Variants in PLXDC2 observed in about 807,000 individuals in gnomAD.
PLXDC2 encodes plexin domain containing 2.
In PLXDC2, 40 loss-of-function variants were observed where a neutral mutation model predicts 68.9. The observed-to-expected ratio is 0.58, with a 90% CI of 0.45 to 0.76. The LOEUF (loss-of-function observed/expected upper bound fraction) is 0.76, where lower values mean the gene tolerates loss of function less well. Among genes scored for constraint, PLXDC2 ranks in the 30% least tolerant of loss-of-function variants. The probability of loss-of-function intolerance (pLI) is 0.00; values close to 1 mark genes in which losing one functional copy is unlikely to be tolerated. For synonymous variants in PLXDC2, 243 were observed against 234.2 expected, an observed-to-expected ratio of 1.04 and a Z score of -0.34; for missense variants, 644 against 661.9, an observed-to-expected ratio of 0.97 and a Z score of 0.30.
intron 1 of PLXDC2, among the ~76,000 whole-genome samples, chr10:19,897,122 CTG>C (rs1301016472): frequency 1.3e-5 from 2 of 152,056 alleles, no homozygotes; most frequent in African/African-American, 4.8e-5. Context: ...CTCTTTTTGT[CTG>C]TGAGTACACG....
intron 1 of PLXDC2, among the ~76,000 whole-genome samples, chr10:19,885,380 G>C (rs1258348174): frequency 1.3e-5 from 2 of 151,892 alleles, no homozygotes; most frequent in Admixed American, 1.3e-4. Flanking sequence ...TGTCAATTTT[G>C]GCTTTTGTTG....
At chr10:19,978,776 C>T (rs716829) in intron 1 of PLXDC2, among the ~76,000 whole-genome samples, 35,507 of 152,056 alleles carry the variant, frequency 0.23, 4,304 homozygotes, top group Middle Eastern at 0.35. Flanking sequence ...TACAATTGGA[C>T]CTGCTATTTG....
At chr10:19,920,707 A>C (rs1833446862) in intron 1 of PLXDC2, among the ~76,000 whole-genome samples, 1 of 152,076 alleles carries the variant, frequency 6.6e-6, no homozygotes, top group South Asian at 2.1e-4. Context: ...ACAGGCATGC[A>C]CCATCACACC....
At chr10:20,073,973 C>T (rs749311477) in intron 4 of PLXDC2, among the ~76,000 whole-genome samples, 4 of 152,010 alleles carry the variant, frequency 2.6e-5, no homozygotes, top group Admixed American at 6.6e-5. Flanking sequence ...GAGATGGGAG[C>T]ATGTGAGATG....
intron 1 of PLXDC2, among the ~76,000 whole-genome samples, chr10:19,964,461 A>G (rs556042688): frequency 6.6e-6 from 1 of 152,264 alleles, no homozygotes; most frequent in East Asian, 1.9e-4. Context: ...ATTTTTCATC[A>G]CTGCAGAAGA....
chr10:20,067,704 A>T (rs1266391111), intron 3 of PLXDC2, among the ~76,000 whole-genome samples: 1 of 151,986 alleles, frequency 6.6e-6, no homozygotes, highest in South Asian at 2.1e-4. Flanking sequence ...AAAAAAAAAA[A>T]TTCTGCAGGT....
rs550618454 is a variant in PLXDC2, at chr10:20,011,228, C to T, written c.324+9242C>T. The stretch of plus-strand genomic sequence containing the variant: ...TGGCCATTGAGTATGGGCTGGAACT[C>T]AGGAGCAGGGAGGTCAGAAGATGCA... On this transcript the variant is annotated intron_variant, in intron 2 of 13. Coordinates refer to ENST00000377252, the MANE Select transcript of PLXDC2 (RefSeq NM_032812.9). Among the ~76,000 whole-genome samples the T allele has an allele frequency of 3.3e-5, 5 of 152,196 alleles. No individual in the cohort carries two copies. The East Asian group carries it at 9.7e-4, about 29-fold the overall frequency.
At chr10:19,948,859 C>T (rs1459119952) in intron 1 of PLXDC2, among the ~76,000 whole-genome samples, 2 of 151,956 alleles carry the variant, frequency 1.3e-5, no homozygotes, top group African/African-American at 4.8e-5. Context: ...AATAGACATA[C>T]ATTGGCCGGG....
At chr10:20,275,533 A>G (rs903896168) in intron 13 of PLXDC2, among the ~76,000 whole-genome samples, 1 of 152,226 alleles carries the variant, frequency 6.6e-6, no homozygotes, top group Admixed American at 6.5e-5. Context: ...CCACAATTAA[A>G]GGAGACCGAC....
chr10:19,936,536 C>T (rs1208335529), intron 1 of PLXDC2, among the ~76,000 whole-genome samples: 2 of 152,300 alleles, frequency 1.3e-5, no homozygotes, highest in Admixed American at 1.3e-4. Context: ...TCATAATTTG[C>T]CAGCCTCTGC....
At chr10:19,957,402 A>G (rs1324999402) in intron 1 of PLXDC2, among the ~76,000 whole-genome samples, 4 of 152,280 alleles carry the variant, frequency 2.6e-5, no homozygotes, top group East Asian at 1.9e-4. Flanking sequence ...CCCTTAAAGT[A>G]TTTTCACACA....
chr10:20,135,710 A>G (rs77650087), intron 4 of PLXDC2, among the ~76,000 whole-genome samples: 5,559 of 152,266 alleles, frequency 0.037, 125 homozygotes, highest in South Asian at 0.068. Context: ...TTATGAACAT[A>G]ATTTGCAGCT....
intron 1 of PLXDC2, among the ~76,000 whole-genome samples, chr10:19,961,439 A>C (rs544861454): frequency 4.6e-5 from 7 of 152,364 alleles, no homozygotes; most frequent in African/African-American, 1.7e-4. Context: ...CAAGTGTCAC[A>C]TTAAAGAAAG....
chr10:20,149,491 G>A (rs889880850), intron 6 of PLXDC2, among the ~76,000 whole-genome samples: 15 of 151,586 alleles, frequency 9.9e-5, no homozygotes, highest in Admixed American at 2.6e-4. Flanking sequence ...CTCCTGCCTC[G>A]GCCTCCCAAA....
In PLXDC2 at chr10:19,953,862, T is replaced by C. The variant is rs556027806; in HGVS notation, c.113-47913T>C. 4.6e-5 allele frequency among the ~76,000 whole-genome samples: 7 copies of C among 152,284 alleles called. No individual in the cohort carries two copies. In the South Asian group the frequency reaches 8.3e-4, roughly 18 times the overall value. ...CTTTTAAATATGACAGCAAATGTAC[T>C]GTTTTGATGAAATGATGTTCTTCCA... On this transcript the variant is annotated intron_variant, in intron 1 of 13. Coordinates refer to ENST00000377252, the MANE Select transcript of PLXDC2 (RefSeq NM_032812.9).
At chr10:20,193,688 A>G (rs1255874755) in intron 9 of PLXDC2, among the ~76,000 whole-genome samples, 1 of 152,112 alleles carries the variant, frequency 6.6e-6, no homozygotes, top group Non-Finnish European at 1.5e-5. Context: ...GCAAATTTTA[A>G]GAAAAAACTA....
chr10:20,248,901 C>T (rs1041871315), intron 13 of PLXDC2, among the ~76,000 whole-genome samples: 1 of 152,110 alleles, frequency 6.6e-6, no homozygotes, highest in Non-Finnish European at 1.5e-5. Context: ...GATGTGCTTT[C>T]TTCTTTTATG....
intron 2 of PLXDC2, among the ~76,000 whole-genome samples, chr10:20,021,813 C>T (rs1835314567): frequency 6.6e-6 from 1 of 152,074 alleles, no homozygotes; most frequent in Non-Finnish European, 1.5e-5. Flanking sequence ...ATTCTCCTGT[C>T]TCAGCCTCCC....
At chr10:19,823,636 C>T in intron 1 of PLXDC2, among the ~76,000 whole-genome samples, 1 of 151,004 alleles carries the variant, frequency 6.6e-6, no homozygotes, top group East Asian at 2.0e-4. Flanking sequence ...TGCGCCACTG[C>T]ACTCCAGCTG....
Sources: gnomAD v4.1 joint callset for allele counts (sites outside exome capture counted in the v4.1 genomes callset) on GRCh38, gnomAD v4.1.1 for gene constraint, MANE v1.5 for transcripts, NCBI Gene and HGNC (gene_info 2026-07-23, HGNC 2026-07-21) for gene names.